The following ELAVL4 variants were observed in gnomAD, a reference collection of about 807,000 sequenced individuals.
ELAVL4 encodes ELAV like RNA binding protein 4, also known as ELAV-like protein 4.
A neutral mutation model predicts 35.6 loss-of-function variants in ELAVL4; 1 was observed. The ratio of observed to expected loss-of-function variants is 0.03; its 90% CI spans 0.01 to 0.13. ELAVL4 has a LOEUF of 0.13. Among genes scored for constraint, ELAVL4 ranks in the 10% least tolerant of loss-of-function variants. ELAVL4 has a pLI of 1.00. For synonymous variants in ELAVL4, 156 were observed against 171.0 expected, an observed-to-expected ratio of 0.91 and a Z score of 0.69; for missense variants, 267 against 464.9, an observed-to-expected ratio of 0.57 and a Z score of 3.91.
chr1:50,079,340 C>T (rs1293701771), intron 1 of ELAVL4, among the ~76,000 whole-genome samples: 1 of 152,120 alleles, frequency 6.6e-6, no homozygotes, highest in Non-Finnish European at 1.5e-5. Flanking sequence ...GGGATCATCA[C>T]AGGGGAAGAG....
At chr1:50,079,004 A>G (rs904852498) in intron 1 of ELAVL4, among the ~76,000 whole-genome samples, 1 of 152,108 alleles carries the variant, frequency 6.6e-6, no homozygotes, top group African/African-American at 2.4e-5. Flanking sequence ...TCTGAGTTCT[A>G]GTTATTATCC....
At chr1:50,061,672 C>T (rs1663984151) in intron 1 of ELAVL4, among the ~76,000 whole-genome samples, 1 of 152,184 alleles carries the variant, frequency 6.6e-6, no homozygotes, top group Non-Finnish European at 1.5e-5. Flanking sequence ...AGTTGCAGTG[C>T]CTGTAGGCCA....
upstream of ELAVL4, chr1:50,106,135 A>AGTT (rs1300595085): frequency 2.2e-6 from 1 of 446,980 alleles, no homozygotes; most frequent in African/African-American, 2.0e-5. Context: ...TTTTATTTGC[A>AGTT]GTTTCAGCCG....
At chr1:50,151,951 C>T (rs1202832272) in intron 2 of ELAVL4, among the ~76,000 whole-genome samples, 1 of 152,104 alleles carries the variant, frequency 6.6e-6, no homozygotes, top group East Asian at 1.9e-4. Flanking sequence ...ACTTGAAGAA[C>T]GTCAGAACGT....
intron 1 of ELAVL4, among the ~76,000 whole-genome samples, chr1:50,091,951 C>T (rs774799168): frequency 8.5e-5 from 13 of 152,224 alleles, no homozygotes; most frequent in Admixed American, 2.0e-4. Context: ...CAAACTCTTT[C>T]GCCTAGACCA....
intron 1 of ELAVL4, among the ~76,000 whole-genome samples, chr1:50,077,455 G>C (rs575919559): frequency 4.6e-5 from 7 of 152,266 alleles, no homozygotes; most frequent in African/African-American, 1.7e-4. Flanking sequence ...GTTCTATTCA[G>C]GCCTTCAACT....
chr1:50,184,470 G>C (rs186038901), intron 3 of ELAVL4, among the ~76,000 whole-genome samples: 22 of 151,636 alleles, frequency 1.5e-4, no homozygotes, highest in African/African-American at 5.3e-4. Context: ...ACAGAAAATA[G>C]TGGTCCTTTC....
At chr1:50,195,304 C>T (rs1405505417) in intron 4 of ELAVL4, among the ~76,000 whole-genome samples, 1 of 152,076 alleles carries the variant, frequency 6.6e-6, no homozygotes, top group African/African-American at 2.4e-5. Flanking sequence ...TGGGGCAGAG[C>T]AGTGATAGAG....
intron 1 of ELAVL4, among the ~76,000 whole-genome samples, chr1:50,053,928 C>G (rs914912738): frequency 3.3e-5 from 5 of 152,074 alleles, no homozygotes; most frequent in African/African-American, 4.8e-5. Context: ...TTGAACAAAA[C>G]TTGATGAAGA....
chr1:50,055,704 C>A (rs1358687499), intron 1 of ELAVL4, among the ~76,000 whole-genome samples: 1 of 151,916 alleles, frequency 6.6e-6, no homozygotes, highest in Non-Finnish European at 1.5e-5. Flanking sequence ...AGGCACGGTG[C>A]CTCACGCCTG....
intron 1 of ELAVL4, among the ~76,000 whole-genome samples, chr1:50,065,677 A>G (rs923459689): frequency 3.4e-4 from 52 of 152,150 alleles, no homozygotes; most frequent in African/African-American, 1.2e-3. Context: ...CTCACATGCA[A>G]TGGTTTGAAA....
intron 3 of ELAVL4, chr1:50,179,544 G>A (rs533819266): frequency 6.6e-6 from 1 of 151,946 alleles, no homozygotes; most frequent in Non-Finnish European, 1.5e-5. Flanking sequence ...TGTCTTTCAG[G>A]CCACTGTTTA....
At chr1:50,157,749 G>A (rs2148740495) in intron 2 of ELAVL4, among the ~76,000 whole-genome samples, 1 of 152,296 alleles carries the variant, frequency 6.6e-6, no homozygotes, top group East Asian at 1.9e-4. Flanking sequence ...ACATTTCTCA[G>A]GCTTGAATTT....
rs1232861268 is a variant in ELAVL4, at chr1:50,201,844, A to G, written c.*666A>G. 1 of 152,116 alleles carries G rather than the reference A, an allele frequency of 6.6e-6. No individual in the cohort carries two copies. Among genetic ancestry groups the G allele is most frequent in the African/African-American group, 2.4e-5 (1 of 41,464 alleles). The allele number at this position is 152,116 out of a possible 1,614,324, so 9.4% of individuals were successfully genotyped here. The stretch of plus-strand genomic sequence containing the variant: ...AGGGGGATACCTGATGACATTAACA[A>G]TTTAATAACATTAACATTGTTGCCA... On this transcript the variant is annotated 3_prime_UTR_variant, in exon 7 of 7. Coordinates refer to ENST00000371824, the MANE Select transcript of ELAVL4 (RefSeq NM_001144774.3). This position sits in a 1 kb window ranked among gnomAD's most constrained non-coding sequence, Gnocchi z 4.3.
chr1:50,141,853 A>C (rs1409005068), intron 1 of ELAVL4: 1 of 152,218 alleles, frequency 6.6e-6, no homozygotes. Flanking sequence ...AATTACTTAC[A>C]TGATGGTAAA....
upstream of ELAVL4, chr1:50,103,974 T>G: frequency 6.2e-7 from 1 of 1,613,980 alleles, no homozygotes; most frequent in Non-Finnish European, 8.5e-7. Flanking sequence ...CGACTGAAAA[T>G]GAGCCGGCTA....
chr1:50,110,665 T>C (rs1490957150), intron 1 of ELAVL4, among the ~76,000 whole-genome samples: 1 of 152,114 alleles, frequency 6.6e-6, no homozygotes, highest in East Asian at 1.9e-4. Context: ...CAGAGCTGGG[T>C]ATGGGGGCAG....
intron 1 of ELAVL4, among the ~76,000 whole-genome samples, chr1:50,082,075 A>T (rs1572145208): frequency 6.6e-6 from 1 of 151,736 alleles, no homozygotes; most frequent in Middle Eastern, 3.4e-3. Flanking sequence ...TATCCAGTCT[A>T]TCATTGATGG....
At chr1:50,062,192 C>A (rs1045747220) in intron 1 of ELAVL4, among the ~76,000 whole-genome samples, 11 of 152,152 alleles carry the variant, frequency 7.2e-5, no homozygotes, top group African/African-American at 2.2e-4. Context: ...AGCCTTTGAT[C>A]TCAAGGAGTC....
Sources: gnomAD v4.1 joint callset for allele counts (sites outside exome capture counted in the v4.1 genomes callset) on GRCh38, gnomAD v4.1.1 for gene constraint, Gnocchi (gnomAD v3.1) non-coding constraint, MANE v1.5 for transcripts, NCBI Gene and HGNC (gene_info 2026-07-23, HGNC 2026-07-21) for gene names.